SLMAP: variants seen among roughly 807,000 people sequenced by gnomAD.
The protein encoded by SLMAP is sarcolemmal membrane-associated protein.
A neutral mutation model predicts 128.8 loss-of-function variants in SLMAP; 44 were observed. That is an observed-to-expected ratio of 0.34 (90% confidence interval 0.27 to 0.44). The LOEUF (loss-of-function observed/expected upper bound fraction) is 0.44. Among genes scored for constraint, SLMAP ranks in the 20% least tolerant of loss-of-function variants. The probability of loss-of-function intolerance (pLI) is 1.00; values close to 1 mark genes in which losing one functional copy is unlikely to be tolerated. For missense variants in SLMAP, 787 were observed against 985.3 expected (o/e 0.80, Z 2.69); for synonymous variants, 327 against 348.8 (o/e 0.94, Z 0.70).
At chr3:57,787,538 G>A (rs373096354) in intron 2 of SLMAP, among the ~76,000 whole-genome samples, 2 of 152,124 alleles carry the variant, frequency 1.3e-5, no homozygotes, top group South Asian at 2.1e-4. Context: ...ATGCAGTGGC[G>A]CAATCTCCGC....
chr3:57,787,564 C>T (rs2084492428), intron 2 of SLMAP, among the ~76,000 whole-genome samples: 1 of 152,210 alleles, frequency 6.6e-6, no homozygotes, highest in Non-Finnish European at 1.5e-5. Context: ...GCAACCTCTG[C>T]CTCTCGGGTT....
chr3:57,790,347 G>A (rs1049439922), intron 2 of SLMAP, among the ~76,000 whole-genome samples: 6 of 151,994 alleles, frequency 3.9e-5, no homozygotes, highest in Admixed American at 1.3e-4. Flanking sequence ...TTTACATTTG[G>A]CCAAGATCAC....
intron 10 of SLMAP, among the ~76,000 whole-genome samples, chr3:57,862,650 A>T (rs1041276504): frequency 2.6e-5 from 4 of 151,876 alleles, no homozygotes; most frequent in African/African-American, 9.7e-5. Flanking sequence ...AAAAAAAAAA[A>T]AAAAAAAAAA....
chr3:57,873,244 T>G (rs2095525266), intron 14 of SLMAP, among the ~76,000 whole-genome samples: 1 of 152,244 alleles, frequency 6.6e-6, no homozygotes, highest in Admixed American at 6.5e-5. Context: ...GGCTCACGCC[T>G]GTAATCCCAG....
intron 14 of SLMAP, among the ~76,000 whole-genome samples, chr3:57,879,730 C>T (rs1482747688): frequency 1.3e-5 from 2 of 152,012 alleles, no homozygotes; most frequent in African/African-American, 4.8e-5. Flanking sequence ...ATCACGAGGT[C>T]AGGAGTTTGA....
chr3:57,827,906 G>A (rs113131879), intron 2 of SLMAP, among the ~76,000 whole-genome samples: 2 of 152,274 alleles, frequency 1.3e-5, no homozygotes, highest in African/African-American at 4.8e-5. Flanking sequence ...TGTACCCAGG[G>A]ACTATAAGCA....
intron 2 of SLMAP, among the ~76,000 whole-genome samples, chr3:57,776,326 C>G (rs1239539998): frequency 2.6e-5 from 4 of 152,070 alleles, no homozygotes; most frequent in African/African-American, 9.7e-5. Context: ...GAGTTTTGTA[C>G]TAATTCAGAC....
At position 57,757,577 on chromosome 3, in the gene SLMAP, C is replaced by T; in HGVS notation, c.-75C>T. 3 of 1,438,850 alleles carry T rather than the reference C, an allele frequency of 2.1e-6. 1 individual carries two copies. The South Asian group carries it at 3.5e-5, about 17-fold the overall frequency. The allele number at this position is 1,438,850 out of a possible 1,614,324, so 89.1% of individuals were successfully genotyped here. On this transcript the variant is annotated 5_prime_UTR_variant, in exon 2 of 25. Transcript: ENST00000671191. ...ATTTTGGGTGGGATAGGGGCATAGG[C>T]TTGTGAAGGGCAGTCCGGATCCGGA...
intron 3 of SLMAP, among the ~76,000 whole-genome samples, chr3:57,831,896 C>T (rs1377861328): frequency 6.6e-6 from 1 of 152,114 alleles, no homozygotes; most frequent in African/African-American, 2.4e-5. Flanking sequence ...ATCAGGGATC[C>T]AGGGTCTTAC....
chr3:57,894,824 A>G (rs1298225393), intron 15 of SLMAP, among the ~76,000 whole-genome samples: 2 of 152,248 alleles, frequency 1.3e-5, no homozygotes, highest in Non-Finnish European at 2.9e-5. Flanking sequence ...TATTAGCCCT[A>G]TAATGAAGCT....
chr3:57,907,483 C>G (rs2096598178), intron 17 of SLMAP, among the ~76,000 whole-genome samples: 2 of 152,220 alleles, frequency 1.3e-5, no homozygotes, highest in South Asian at 4.1e-4. Context: ...TTTTCCATAT[C>G]CAGTTAAGTT....
Position 57,841,313 on chromosome 3 carries a change from A to G in SLMAP, c.361A>G (p.Ile121Val). The change falls in exon 4 of 25, where the codon ATT becomes GTT. Residue 121 changes from isoleucine (I) to valine (V), a missense_variant. By Grantham distance (29) the Ile-to-Val change is conservative. Around this residue, in one of 2 missense-constraint regions of SLMAP, gnomAD observed 715 missense variants for 843.6 expected, o/e 0.85. Coordinates refer to ENST00000671191, the MANE Select transcript of SLMAP (RefSeq NM_001377540.1). ...ENTRKVTHGCIVSTIKLFLPD... is the reference protein window; with the variant it reads ...ENTRKVTHGCVVSTIKLFLPD... ...GTTTCAACCAGTTACCCATGGGTGT[A>G]TTGTTTCCACAATAAAACTTTTTCT... 6.2e-7 allele frequency: 1 copy of G among 1,604,684 alleles called. No homozygotes were observed. The highest frequency in any genetic ancestry group is 8.5e-7 in the Non-Finnish European group (1 of 1,173,628).
intron 10 of SLMAP, among the ~76,000 whole-genome samples, chr3:57,864,305 G>T (rs1000116127): frequency 6.6e-6 from 1 of 152,080 alleles, no homozygotes; most frequent in Admixed American, 6.5e-5. Context: ...TACTTGGGAG[G>T]CTGAGGCAGG....
chr3:57,915,968 C>T (rs1449895565), intron 21 of SLMAP, among the ~76,000 whole-genome samples: 1 of 152,012 alleles, frequency 6.6e-6, no homozygotes, highest in Non-Finnish European at 1.5e-5. Context: ...ACCAGCCTGA[C>T]CAACGTGGAG....
chr3:57,902,970 A>G (rs1232139691), intron 17 of SLMAP, among the ~76,000 whole-genome samples: 1 of 152,198 alleles, frequency 6.6e-6, no homozygotes, highest in Non-Finnish European at 1.5e-5. Context: ...AGAACCAACA[A>G]ATCATTTTCA....
chr3:57,850,148 CCTAG>C (rs1339301577), intron 6 of SLMAP, among the ~76,000 whole-genome samples: 1 of 152,036 alleles, frequency 6.6e-6, no homozygotes, highest in East Asian at 1.9e-4. Context: ...TGCACTCCAT[CCTAG>C]GCAACAGAGC....
chr3:57,840,507 C>T (rs1054099323), intron 3 of SLMAP, among the ~76,000 whole-genome samples: 1 of 152,144 alleles, frequency 6.6e-6, no homozygotes, highest in Non-Finnish European at 1.5e-5. Flanking sequence ...AAACCGTCAA[C>T]CTTCAAGCCA....
At chr3:57,825,855 A>G (rs1249122978) in intron 2 of SLMAP, among the ~76,000 whole-genome samples, 1 of 152,120 alleles carries the variant, frequency 6.6e-6, no homozygotes, top group Non-Finnish European at 1.5e-5. Flanking sequence ...GTAATGCCAC[A>G]AAGCTTTCCT....
intron 2 of SLMAP, among the ~76,000 whole-genome samples, chr3:57,811,495 A>G (rs1168110501): frequency 4.6e-5 from 7 of 152,206 alleles, no homozygotes; most frequent in African/African-American, 9.7e-5. Context: ...CCATTCATCT[A>G]TTGATGGACA....
Sources: gnomAD v4.1 joint callset for allele counts (sites outside exome capture counted in the v4.1 genomes callset) on GRCh38, gnomAD v4.1.1 for gene constraint, gnomAD v4.1.1 regional missense constraint, MANE v1.5 for transcripts, NCBI Gene and HGNC (gene_info 2026-07-23, HGNC 2026-07-21) for gene names.